The following TBC1D23 variants were observed in gnomAD, a reference collection of about 807,000 sequenced individuals.
TBC1D23 encodes the protein TBC1 domain family member 23, also known as HCV non-structural protein 4A-transactivated protein 1.
Under a neutral mutation model 91.4 loss-of-function variants are expected in TBC1D23, and 55 were observed. The ratio of observed to expected loss-of-function variants is 0.60; its 90% CI spans 0.48 to 0.75. The LOEUF (loss-of-function observed/expected upper bound fraction) is 0.75, where lower values mean the gene tolerates loss of function less well. TBC1D23 is among the 30% of genes least tolerant of loss of function. The probability of loss-of-function intolerance (pLI) is 0.00; values close to 1 mark genes in which losing one functional copy is unlikely to be tolerated. For synonymous variants in TBC1D23, 289 were observed against 281.0 expected, an observed-to-expected ratio of 1.03 and a Z score of -0.28; for missense variants, 725 against 836.1, an observed-to-expected ratio of 0.87 and a Z score of 1.64.
chr3:100,286,087 A>T (rs1447334960), intron 4 of TBC1D23, among the ~76,000 whole-genome samples: 3 of 152,188 alleles, frequency 2.0e-5, no homozygotes. Flanking sequence ...TGCTACCTTG[A>T]AGCCATACTG....
At chr3:100,268,124 C>G (rs567613382) in intron 1 of TBC1D23, among the ~76,000 whole-genome samples, 3 of 152,170 alleles carry the variant, frequency 2.0e-5, no homozygotes, top group Admixed American at 6.5e-5. Flanking sequence ...GTGAGCTGTG[C>G]ACACCAAGCC....
At position 100,316,110 on chromosome 3, in the gene TBC1D23, G is replaced by T; in HGVS notation, c.1610G>T (p.Ser537Ile). The change falls in exon 16 of 19, where the codon AGC (serine) becomes ATC (isoleucine). Residue 537 changes from serine to isoleucine, a missense_variant. Coordinates refer to ENST00000394144, the MANE Select transcript of TBC1D23 (RefSeq NM_001199198.3). Reference sequence around the variant, plus strand: ...TTCTTTGAATATAGGCATGTGAGCAGCAGTGACAGAGTGGGCAAGCCTTAC... The same window carrying T: ...TTCTTTGAATATAGGCATGTGAGCATCAGTGACAGAGTGGGCAAGCCTTAC... ...DRSCTERHVS[S>I]SDRVGKPYRG... 1 of 1,613,540 alleles carries T rather than the reference G, an allele frequency of 6.2e-7. No homozygotes were observed. The highest frequency in any genetic ancestry group is 8.5e-7 in the Non-Finnish European group (1 of 1,179,496).
At position 100,261,044 on chromosome 3, in the gene TBC1D23, C is replaced by T. The variant is rs779769535; in HGVS notation, c.26C>T (p.Pro9Leu). 3.7e-6 allele frequency: 6 copies of T among 1,613,972 alleles called. No homozygotes were observed. In the Admixed American group the frequency reaches 5.0e-5, roughly 13 times the overall value. Residue 9 changes from proline to leucine, a missense_variant, in exon 1 of 19, where the codon CCG (proline) becomes CTG (leucine). Coordinates refer to ENST00000394144, the MANE Select transcript of TBC1D23 (RefSeq NM_001199198.3). The part of the protein sequence containing the change: MAEGEDVP[P>L]LPTSSGDGWE... ...ATGGCGGAAGGAGAAGATGTGCCGC[C>T]GCTGCCAACGTCGAGCGGCGACGGC...
intron 4 of TBC1D23, among the ~76,000 whole-genome samples, chr3:100,287,470 T>C (rs2067753892): frequency 6.6e-6 from 1 of 152,228 alleles, no homozygotes; most frequent in Non-Finnish European, 1.5e-5. Flanking sequence ...TTTTGGAAGA[T>C]GAGATCATGA....
chr3:100,296,115 A>G lies in TBC1D23; in HGVS notation c.773-57A>G, dbSNP rs2067837061. On this transcript the variant is annotated intron_variant, in intron 7 of 18. Coordinates refer to ENST00000394144, the MANE Select transcript of TBC1D23 (RefSeq NM_001199198.3). ...GATGAAGATATTTCGGCTCTGATAC[A>G]TAAACAATATTTGCATTTTTCACAA... 4 of 983,210 alleles carry G rather than the reference A, an allele frequency of 4.1e-6. No individual in the cohort carries two copies. In the South Asian group the frequency reaches 5.1e-5, roughly 12 times the overall value. 60.9% of individuals were successfully genotyped at this position (983,210 alleles called of 1,614,324 possible).
At chr3:100,314,331 C>T (rs745842137) in intron 15 of TBC1D23, among the ~76,000 whole-genome samples, 5 of 151,942 alleles carry the variant, frequency 3.3e-5, no homozygotes, top group African/African-American at 1.2e-4. Context: ...CTCCTGACCT[C>T]GTGATCTGCC....
At chr3:100,267,271 A>G in intron 1 of TBC1D23, 1 of 438,950 alleles carries the variant, frequency 2.3e-6, no homozygotes, top group Non-Finnish European at 4.5e-6. Context: ...CATTAAGCTC[A>G]TAAAATCAAA....
intron 9 of TBC1D23, among the ~76,000 whole-genome samples, chr3:100,298,603 C>T (rs535347998): frequency 3.7e-4 from 56 of 152,172 alleles, no homozygotes; most frequent in South Asian, 8.3e-4. Context: ...AAGGAATGGA[C>T]GTGGGAAAAT....
chr3:100,310,457 A>T lies in TBC1D23; in HGVS notation c.1468A>T (p.Met490Leu), dbSNP rs149249251. The T allele has an allele frequency of 6.2e-7, 1 of 1,613,692 alleles. No individual in the cohort carries two copies. The highest frequency in any genetic ancestry group is 1.1e-5 in the South Asian group (1 of 91,062). Residue 490 changes from methionine (M) to leucine (L), a missense_variant, in exon 14 of 19, where the codon ATG becomes TTG. Transcript: ENST00000394144. ...AGGAATGAAATCACTAGTAAATAAAATGACTGTGGCTTTGAAGACAAAATC... is the reference window on the plus strand; with the variant it reads ...AGGAATGAAATCACTAGTAAATAAATTGACTGTGGCTTTGAAGACAAAATC... Reference protein sequence around the residue: ...DRGMKSLVNKMTVALKTKSVN... With the variant: ...DRGMKSLVNKLTVALKTKSVN...
chr3:100,294,150 A>T (rs74430923), intron 5 of TBC1D23, among the ~76,000 whole-genome samples: 5,759 of 152,282 alleles, frequency 0.038, 339 homozygotes, highest in African/African-American at 0.13. Context: ...ATCTAAAAAT[A>T]TTACTTCATG....
chr3:100,299,397 T>C lies in TBC1D23; in HGVS notation c.1092+66T>C, dbSNP rs111674723. On this transcript the variant is annotated intron_variant, in intron 10 of 18. Transcript: ENST00000394144. ...TTTTCCTTCAGTTCATAAATAAATATATAGGTCCCAGATTGGGGAATTTTT... is the reference window on the plus strand; with the variant it reads ...TTTTCCTTCAGTTCATAAATAAATACATAGGTCCCAGATTGGGGAATTTTT... 5,535 of 960,660 alleles carry C rather than the reference T, an allele frequency of 5.8e-3. 26 individuals carry two copies. Among genetic ancestry groups the C allele is most frequent in the South Asian group, 6.4e-3 (408 of 63,640 alleles). The allele number at this position is 960,660 out of a possible 1,614,324, so 59.5% of individuals were successfully genotyped here.
chr3:100,284,994 GACTCTTATTTTTT>G (rs1488884676), intron 4 of TBC1D23, among the ~76,000 whole-genome samples: 1 of 152,164 alleles, frequency 6.6e-6, no homozygotes, highest in Non-Finnish European at 1.5e-5. Flanking sequence ...ATAGTTAACT[GACTCTTATTTTTT>G]ACTACTTTCT....
At chr3:100,311,945 A>G (rs1705632818) in intron 15 of TBC1D23, 68 bp downstream of exon 15, 6 of 1,057,260 alleles carry the variant, frequency 5.7e-6, no homozygotes, top group Middle Eastern at 2.0e-4. Flanking sequence ...TGCCATCTAT[A>G]AGCCTCATGC....
chr3:100,279,945 G>C (rs1294339793), intron 2 of TBC1D23, among the ~76,000 whole-genome samples, 185 bp downstream of exon 2: 2 of 152,122 alleles, frequency 1.3e-5, no homozygotes, highest in African/African-American at 4.8e-5. Context: ...TAACAATAAT[G>C]GCTTAGATTT....
At chr3:100,290,815 C>A in intron 5 of TBC1D23, 114 bp downstream of exon 5, 2 of 883,580 alleles carry the variant, frequency 2.3e-6, no homozygotes, top group South Asian at 2.7e-5. Flanking sequence ...TAGATCATTA[C>A]TGTTTAAACC....
chr3:100,292,264 T>C (rs1280007466), intron 5 of TBC1D23, among the ~76,000 whole-genome samples: 2 of 152,194 alleles, frequency 1.3e-5, no homozygotes, highest in Non-Finnish European at 2.9e-5. Context: ...TAACTGCTGC[T>C]CTTCTGGTTA....
intron 5 of TBC1D23, among the ~76,000 whole-genome samples, 159 bp from the exon 6 acceptor site, chr3:100,294,926 CAT>C (rs1160265469): frequency 1.3e-5 from 2 of 152,190 alleles, no homozygotes; most frequent in African/African-American, 4.8e-5. Flanking sequence ...CTTGAATTCA[CAT>C]GTTTTGCCTT....
At chr3:100,301,422 T>C (rs1216914787) in intron 10 of TBC1D23, among the ~76,000 whole-genome samples, 1 of 152,248 alleles carries the variant, frequency 6.6e-6, no homozygotes, top group African/African-American at 2.4e-5. Flanking sequence ...AGGTTGAACA[T>C]TATTTTTTGT....
At chr3:100,315,329 A>G (rs1318518637) in intron 15 of TBC1D23, among the ~76,000 whole-genome samples, 1 of 151,798 alleles carries the variant, frequency 6.6e-6, no homozygotes, top group Non-Finnish European at 1.5e-5. Context: ...TGCCCAGCCA[A>G]TTTTGTATTT....
Sources: gnomAD v4.1 joint callset for allele counts (sites outside exome capture counted in the v4.1 genomes callset) on GRCh38, gnomAD v4.1.1 for gene constraint, MANE v1.5 for transcripts, NCBI Gene and HGNC (gene_info 2026-07-23, HGNC 2026-07-21) for gene names.